CA10: variants seen among roughly 807,000 people sequenced by gnomAD.
CA10 encodes the protein carbonic anhydrase 10 (inactive).
In CA10, 14 loss-of-function variants were observed where a neutral mutation model predicts 44.2. The observed-to-expected ratio is 0.32, with a 90% CI of 0.21 to 0.50. The LOEUF is 0.50. Ranked by LOEUF, CA10 falls within the 20% of genes least tolerant of loss-of-function variation. CA10 has a pLI of 0.99. For missense variants in CA10, 350 were observed against 409.7 expected (o/e 0.85, Z 1.26); for synonymous variants, 159 against 141.6 (o/e 1.12, Z -0.87).
chr17:52,028,871 C>A (rs986390520), intron 2 of CA10, among the ~76,000 whole-genome samples: 1 of 152,218 alleles, frequency 6.6e-6, no homozygotes, highest in Non-Finnish European at 1.5e-5. Flanking sequence ...GAAGCTAACA[C>A]TAACTTTTAC....
chr17:51,706,340 T>C (rs1487900164), intron 4 of CA10, among the ~76,000 whole-genome samples: 1 of 152,250 alleles, frequency 6.6e-6, no homozygotes, highest in Admixed American at 6.5e-5. Context: ...AAATGAGCTC[T>C]CATGGAAACT....
intron 2 of CA10, among the ~76,000 whole-genome samples, chr17:51,949,086 T>C (rs203006): frequency 0.98 from 148,638 of 152,250 alleles, 72,639 homozygotes; most frequent in South Asian, 1. Flanking sequence ...ACTTTGTTAT[T>C]CCTATTTAAA....
chr17:52,053,113 T>C (rs992207653), intron 2 of CA10, among the ~76,000 whole-genome samples: 3 of 152,076 alleles, frequency 2.0e-5, no homozygotes, highest in African/African-American at 7.2e-5. Flanking sequence ...ACATATCACT[T>C]CCTAATGTTT....
At chr17:52,029,873 A>T (rs914545543) in intron 2 of CA10, among the ~76,000 whole-genome samples, 1 of 152,202 alleles carries the variant, frequency 6.6e-6, no homozygotes, top group African/African-American at 2.4e-5. Context: ...TAAAAAGTGG[A>T]TCTACTCTAT....
At chr17:51,713,193 T>C (rs1005654834) in intron 4 of CA10, among the ~76,000 whole-genome samples, 1 of 152,228 alleles carries the variant, frequency 6.6e-6, no homozygotes, top group Non-Finnish European at 1.5e-5. Context: ...CTACTCAAGA[T>C]GATCTTACAC....
chr17:51,823,625 A>C (rs1275280828), intron 3 of CA10, among the ~76,000 whole-genome samples: 1 of 152,168 alleles, frequency 6.6e-6, no homozygotes, highest in Non-Finnish European at 1.5e-5. Flanking sequence ...AGAGACCTTC[A>C]TGCTCCCACA....
chr17:51,876,037 G>A (rs1567869692), intron 3 of CA10, among the ~76,000 whole-genome samples: 1 of 151,858 alleles, frequency 6.6e-6, no homozygotes, highest in African/African-American at 2.4e-5. Context: ...TGGGGACCAT[G>A]GTTTATCTGT....
chr17:51,942,987 A>G (rs1225860578), intron 2 of CA10, among the ~76,000 whole-genome samples: 1 of 152,122 alleles, frequency 6.6e-6, no homozygotes, highest in Non-Finnish European at 1.5e-5. Flanking sequence ...TCTGCTTTGC[A>G]TACCATTTTC....
At chr17:51,853,284 C>G (rs897280403) in intron 3 of CA10, among the ~76,000 whole-genome samples, 2 of 152,186 alleles carry the variant, frequency 1.3e-5, no homozygotes, top group Non-Finnish European at 2.9e-5. Flanking sequence ...TGCTGAAAGC[C>G]TTGGCATTGC....
chr17:52,095,835 C>T (rs1988388319), intron 1 of CA10, among the ~76,000 whole-genome samples: 1 of 152,136 alleles, frequency 6.6e-6, no homozygotes, highest in Non-Finnish European at 1.5e-5. Flanking sequence ...GTATGCCGTT[C>T]AGTACCTCAA....
chr17:51,805,599 T>A (rs1907098421), intron 3 of CA10, among the ~76,000 whole-genome samples: 1 of 152,240 alleles, frequency 6.6e-6, no homozygotes, highest in Non-Finnish European at 1.5e-5. Context: ...AGAACATTTT[T>A]AAAAACAGTT....
chr17:51,899,284 A>AT (rs58330854), intron 3 of CA10, among the ~76,000 whole-genome samples: 14,932 of 152,014 alleles, frequency 0.098, 919 homozygotes, highest in African/African-American at 0.18. Flanking sequence ...TTTTCAAAGA[A>AT]TTTTTTACCT....
intron 2 of CA10, among the ~76,000 whole-genome samples, chr17:52,000,952 A>G (rs1235147299): frequency 6.6e-6 from 1 of 151,964 alleles, no homozygotes; most frequent in Admixed American, 6.6e-5. Context: ...CTTATTAACA[A>G]TGAAACAGTA....
chr17:51,647,985 G>A (rs1449199784), intron 6 of CA10, among the ~76,000 whole-genome samples: 1 of 152,198 alleles, frequency 6.6e-6, no homozygotes, highest in Admixed American at 6.5e-5. Context: ...CAGATGGGAG[G>A]GACTTGGCAG....
intron 4 of CA10, among the ~76,000 whole-genome samples, chr17:51,665,157 C>T (rs568043773): frequency 1.2e-4 from 18 of 152,218 alleles, no homozygotes; most frequent in Middle Eastern, 6.8e-3. Flanking sequence ...AGCTGCGCAG[C>T]GATTTGGATA....
chr17:51,806,359 C>T (rs1907136478), intron 3 of CA10, among the ~76,000 whole-genome samples: 1 of 152,178 alleles, frequency 6.6e-6, no homozygotes, highest in Non-Finnish European at 1.5e-5. Context: ...CCTACTTTTG[C>T]TTCCATAGAG....
chr17:51,967,531 C>T (rs1394827766), intron 2 of CA10, among the ~76,000 whole-genome samples: 1 of 151,690 alleles, frequency 6.6e-6, no homozygotes, highest in Non-Finnish European at 1.5e-5. Context: ...ATATCATGTC[C>T]TCTGCAGTAA....
chr17:52,009,551 T>C (rs2144132575), intron 2 of CA10, among the ~76,000 whole-genome samples: 1 of 152,070 alleles, frequency 6.6e-6, no homozygotes, highest in East Asian at 1.9e-4. Flanking sequence ...CCCCTCAACG[T>C]TGGCTTTGTA....
chr17:51,660,241 G>T (rs900404679), intron 4 of CA10, among the ~76,000 whole-genome samples: 4 of 152,178 alleles, frequency 2.6e-5, no homozygotes, highest in African/African-American at 9.7e-5. Flanking sequence ...GCAGGCCAAG[G>T]TAGGGGGTCT....
Sources: gnomAD v4.1 joint callset for allele counts (sites outside exome capture counted in the v4.1 genomes callset) on GRCh38, gnomAD v4.1.1 for gene constraint, MANE v1.5 for transcripts, NCBI Gene and HGNC (gene_info 2026-07-23, HGNC 2026-07-21) for gene names.